The following RPS6KC1 variants were observed in gnomAD, a reference collection of about 807,000 sequenced individuals.
The protein encoded by RPS6KC1 is inactive ribosomal protein S6 kinase delta-1.
Under a neutral mutation model 103.8 loss-of-function variants are expected in RPS6KC1, and 54 were observed. The observed-to-expected ratio is 0.52, with a 90% CI of 0.42 to 0.65. The LOEUF (loss-of-function observed/expected upper bound fraction) is 0.65. Ranked by LOEUF, RPS6KC1 falls within the 30% of genes least tolerant of loss-of-function variation. The probability of loss-of-function intolerance (pLI) is 0.00; values close to 1 mark genes in which losing one functional copy is unlikely to be tolerated. For synonymous variants in RPS6KC1, 439 were observed against 438.7 expected, an observed-to-expected ratio of 1.00 and a Z score of -0.01; for missense variants, 1,151 against 1,253.8, an observed-to-expected ratio of 0.92 and a Z score of 1.24.
intron 8 of RPS6KC1, among the ~76,000 whole-genome samples, chr1:213,224,402 C>A (rs539360252): frequency 6.6e-6 from 1 of 152,130 alleles, no homozygotes; most frequent in South Asian, 2.1e-4. Context: ...GCAGTTATTT[C>A]ATGTATTAGT....
At chr1:213,085,349 C>T (rs2080289546) in intron 3 of RPS6KC1, among the ~76,000 whole-genome samples, 1 of 152,190 alleles carries the variant, frequency 6.6e-6, no homozygotes, top group Admixed American at 6.5e-5. Context: ...ATAATATCCC[C>T]ATCTCAAGAT....
the RPS6KC1 span, among the ~76,000 whole-genome samples, chr1:213,404,206 G>C: frequency 1.3e-5 from 2 of 152,158 alleles, no homozygotes; most frequent in African/African-American, 4.8e-5. Context: ...TCAGGTATTG[G>C]CCGTGGGCTG....
the RPS6KC1 span, among the ~76,000 whole-genome samples, chr1:213,572,368 T>G: frequency 1.3e-5 from 2 of 152,190 alleles, no homozygotes; most frequent in Non-Finnish European, 2.9e-5. Flanking sequence ...TTCCACAGGA[T>G]AGACACACAT....
the RPS6KC1 span, among the ~76,000 whole-genome samples, chr1:213,453,471 A>C: frequency 6.6e-6 from 1 of 152,064 alleles, no homozygotes. Flanking sequence ...CTCACCTGAG[A>C]CCTGAAAAAC....
the RPS6KC1 span, among the ~76,000 whole-genome samples, chr1:213,361,953 G>A: frequency 6.6e-6 from 1 of 152,218 alleles, no homozygotes; most frequent in Non-Finnish European, 1.5e-5. Context: ...TTGTCTGTGT[G>A]CACAAGTGTC....
chr1:213,848,883 C>T, the RPS6KC1 span, among the ~76,000 whole-genome samples: 1 of 151,886 alleles, frequency 6.6e-6, no homozygotes, highest in Non-Finnish European at 1.5e-5. Flanking sequence ...TTTGCATGTT[C>T]AAGGTTTGAG....
the RPS6KC1 span, among the ~76,000 whole-genome samples, chr1:213,793,062 C>A: frequency 1.3e-5 from 2 of 152,166 alleles, no homozygotes; most frequent in African/African-American, 2.4e-5. Context: ...TCCACCAGGA[C>A]CCCCAGTCTC....
At chr1:213,520,150 C>T in the RPS6KC1 span, among the ~76,000 whole-genome samples, 1 of 152,122 alleles carries the variant, frequency 6.6e-6, no homozygotes, top group African/African-American at 2.4e-5. Context: ...TGTATTAGTC[C>T]ATTTTCACGC....
intron 2 of RPS6KC1, among the ~76,000 whole-genome samples, chr1:213,074,961 T>C (rs1212582823): frequency 6.7e-6 from 1 of 148,458 alleles, no homozygotes; most frequent in African/African-American, 2.5e-5. Context: ...CATGCCGTTC[T>C]CCTGCCTCAG....
chr1:213,266,431 A>G (rs963150922), intron 14 of RPS6KC1, among the ~76,000 whole-genome samples: 2 of 152,064 alleles, frequency 1.3e-5, no homozygotes, highest in African/African-American at 2.4e-5. Context: ...CTTTCTGTGG[A>G]AAAAAAATAT....
chr1:213,810,722 T>C, the RPS6KC1 span, among the ~76,000 whole-genome samples: 3 of 152,218 alleles, frequency 2.0e-5, no homozygotes, highest in Admixed American at 2.0e-4. Flanking sequence ...TACCAACACT[T>C]TCCAGGAGTC....
chr1:213,413,702 T>G, the RPS6KC1 span, among the ~76,000 whole-genome samples: 1 of 152,338 alleles, frequency 6.6e-6, no homozygotes, highest in East Asian at 1.9e-4. Flanking sequence ...AGGTGGTATC[T>G]TTTATGATCT....
chr1:213,619,640 T>G, the RPS6KC1 span, among the ~76,000 whole-genome samples: 1 of 152,336 alleles, frequency 6.6e-6, no homozygotes, highest in East Asian at 1.9e-4. Context: ...AAGGTGAGAC[T>G]AAAGCCTTGC....
At chr1:213,363,687 TTTCTTTCTTTCTTTC>T in the RPS6KC1 span, among the ~76,000 whole-genome samples, 38 of 86,598 alleles carry the variant, frequency 4.4e-4, 3 homozygotes, top group African/African-American at 2.4e-3. Flanking sequence ...TCTTTCTTTC[TTTCTTTCTTTCTTTC>T]CTTCTTTCTT....
chr1:213,254,942 G>T (rs2094609048), intron 12 of RPS6KC1, among the ~76,000 whole-genome samples: 1 of 151,714 alleles, frequency 6.6e-6, no homozygotes, highest in African/African-American at 2.4e-5. Context: ...TTAACACCTT[G>T]TGTTTTATAG....
At chr1:213,312,194 A>T in the RPS6KC1 span, among the ~76,000 whole-genome samples, 1 of 152,040 alleles carries the variant, frequency 6.6e-6, no homozygotes, top group African/African-American at 2.4e-5. Flanking sequence ...CTGTCCAGCC[A>T]TCAGGAGGAG....
the RPS6KC1 span, among the ~76,000 whole-genome samples, chr1:213,743,582 A>T: frequency 6.6e-6 from 1 of 152,192 alleles, no homozygotes; most frequent in East Asian, 1.9e-4. Context: ...CTTCAATGCC[A>T]TTTGTTTCCT....
the RPS6KC1 span, among the ~76,000 whole-genome samples, chr1:213,833,241 T>C: frequency 6.6e-6 from 1 of 152,188 alleles, no homozygotes; most frequent in South Asian, 2.1e-4. Context: ...CTATCAGGCC[T>C]TCATGGCCAC....
At position 213,096,282 on chromosome 1, in the gene RPS6KC1, C is replaced by T. The variant is rs929117445; in HGVS notation, c.263-8172C>T. 2.6e-5 allele frequency among the ~76,000 whole-genome samples: 4 copies of T among 152,198 alleles called. No homozygotes were observed. In the East Asian group the frequency reaches 7.7e-4, roughly 29 times the overall value. ...AGCAATTCAGTCACGTCTTCAGGCT[C>T]CTCTTCCAGTTTTCATTCTCTTGCT... On this transcript the variant is annotated intron_variant, in intron 3 of 14. Transcript: ENST00000366960.
Sources: allele counts gnomAD v4.1 joint callset (sites outside exome capture counted in the v4.1 genomes callset), GRCh38; gene constraint gnomAD v4.1.1; transcripts MANE v1.5; gene names NCBI Gene and HGNC (gene_info 2026-07-23, HGNC 2026-07-21).